Variants in ABCA3 observed in about 807,000 individuals in gnomAD.
The protein encoded by ABCA3 is ATP binding cassette subfamily A member 3.
Under a neutral mutation model 172.8 loss-of-function variants are expected in ABCA3, and 88 were observed. That is an observed-to-expected ratio of 0.51 (90% CI 0.43 to 0.61). The LOEUF is 0.61. Ranked by LOEUF, ABCA3 falls within the 20% of genes least tolerant of loss-of-function variation. The pLI is 0.00. For missense variants in ABCA3, 2,164 were observed against 2,301.0 expected (o/e 0.94, Z 1.22); for synonymous variants, 1,066 against 983.8 (o/e 1.08, Z -1.56).
rs1179046813 is a variant in ABCA3, at chr16:2,286,487, A to G, written c.3278+207T>C. 1.3e-5 allele frequency among the ~76,000 whole-genome samples: 2 copies of G among 152,240 alleles called. No individual in the cohort carries two copies. Among genetic ancestry groups the G allele is most frequent in the South Asian group, 2.1e-4 (1 of 4,834 alleles). ...CTTCATGGGTCCCCGTGAGGACCGC[A>G]GTGCATGGGATGGCCCACAGCTGAT... On this transcript the variant is annotated intron_variant, in intron 22 of 32. Transcript: ENST00000301732. The surrounding 1 kb of genome is among the most constrained non-coding windows in gnomAD (Gnocchi z 5.2).
At chr16:2,292,743 A>T (rs983646631) in intron 18 of ABCA3, among the ~76,000 whole-genome samples, 5 of 152,132 alleles carry the variant, frequency 3.3e-5, no homozygotes, top group Non-Finnish European at 7.3e-5. Flanking sequence ...AACACGGTGA[A>T]ACTCTGTCTC....
At chr16:2,327,704 T>C (rs577337059) in intron 3 of ABCA3, among the ~76,000 whole-genome samples, 1 of 152,264 alleles carries the variant, frequency 6.6e-6, no homozygotes, top group South Asian at 2.1e-4. Flanking sequence ...GCAAAAAGAC[T>C]AGCCATTTTC....
chr16:2,306,782 G>A (rs893780969), intron 11 of ABCA3, among the ~76,000 whole-genome samples: 27 of 152,136 alleles, frequency 1.8e-4, no homozygotes, highest in Admixed American at 1.6e-3. Context: ...TTGGGAGGCC[G>A]AGGCGGGCGG....
chr16:2,307,963 T>G (rs2141719358), intron 11 of ABCA3, among the ~76,000 whole-genome samples: 1 of 152,278 alleles, frequency 6.6e-6, no homozygotes, highest in East Asian at 1.9e-4. Flanking sequence ...ATGTGGTGGC[T>G]CACGCCTGTA....
chr16:2,308,953 C>T (rs1236076892), intron 10 of ABCA3, among the ~76,000 whole-genome samples: 3 of 149,846 alleles, frequency 2.0e-5, no homozygotes, highest in East Asian at 1.9e-4. Context: ...AGCCCCACTT[C>T]TTTTTTTTTT....
intron 20 of ABCA3, among the ~76,000 whole-genome samples, chr16:2,288,547 C>T (rs915781285): frequency 6.6e-6 from 1 of 152,118 alleles, no homozygotes; most frequent in Admixed American, 6.6e-5. Context: ...TCCATGGGGC[C>T]CTGCACGTTG....
rs747644868 is a variant in ABCA3, at chr16:2,292,250, A to G, written c.2415-12T>C. ...AGAGACCTTCAAACCTGAAAAACAG[A>G]CCCAGCATTATGAGTCACTTCTCAG... On this transcript the variant is annotated splice_polypyrimidine_tract_variant and intron_variant, in intron 18 of 32. Transcript: ENST00000301732. 1.2e-6 allele frequency: 2 copies of G among 1,606,238 alleles called. No individual in the cohort carries two copies. Among genetic ancestry groups the G allele is most frequent in the African/African-American group, 2.7e-5 (2 of 74,698 alleles).
At chr16:2,338,239 C>T (rs1364580627) in intron 1 of ABCA3, among the ~76,000 whole-genome samples, 1 of 152,202 alleles carries the variant, frequency 6.6e-6, no homozygotes, top group Non-Finnish European at 1.5e-5. Flanking sequence ...ACACTCTGAG[C>T]CATTCAGGGG....
rs137863291 is a variant in ABCA3, at chr16:2,281,496, G to A, written c.4049C>T (p.Thr1350Ile). 2 of 1,515,178 alleles carry A rather than the reference G, an allele frequency of 1.3e-6. No individual in the cohort carries two copies. Among genetic ancestry groups the A allele is most frequent in the South Asian group, 2.2e-5 (2 of 90,076 alleles). The allele number at this position is 1,515,178 out of a possible 1,614,324, so 93.9% of individuals were successfully genotyped here. Residue 1350 changes from threonine to isoleucine, a missense_variant, in exon 27 of 33, where the codon ACC becomes ATC. Physicochemically the swap from Thr to Ile is moderately conservative, Grantham distance 89 (BLOSUM62 -1). This residue lies in a region of ABCA3 where 795 missense variants were observed against 881.9 expected (regional missense o/e 0.90). Transcript: ENST00000301732. This position sits in a 1 kb window ranked among gnomAD's most constrained non-coding sequence, Gnocchi z 4.7. ...RRRRTLTELY[T>I]RMPVLPEDQD... is the part of the protein sequence containing the mutation. The stretch of plus-strand genomic sequence containing the variant: ...GTCCTCAGGAAGCACAGGCATCCGG[G>A]TGTATAATTCTGTCTGATTGACCAG...
At chr16:2,309,512 T>C (rs893902282) in intron 10 of ABCA3, among the ~76,000 whole-genome samples, 3 of 151,750 alleles carry the variant, frequency 2.0e-5, no homozygotes, top group African/African-American at 7.3e-5. Context: ...TTCGAGGAGG[T>C]GACATGTGAG....
At chr16:2,311,682 C>T (rs898174375) in intron 10 of ABCA3, among the ~76,000 whole-genome samples, 10 of 152,230 alleles carry the variant, frequency 6.6e-5, no homozygotes, top group Admixed American at 5.9e-4. Flanking sequence ...CCACCATGCC[C>T]GACTAATTTT....
In ABCA3 at chr16:2,285,050, A is replaced by C. The variant is rs778361820; in HGVS notation, c.3484-52T>G. The C allele has an allele frequency of 6.9e-4, 1,077 of 1,569,666 alleles. No individual in the cohort carries two copies. The highest frequency in any genetic ancestry group is 8.6e-4 in the Non-Finnish European group (994 of 1,152,744). ...GTGCATGCCAAGCTGAGAGGAGCTC[A>C]CGGGTAGGGAAGGGGTGAGAGGAGC... On this transcript the variant is annotated intron_variant, in intron 23 of 32. Coordinates refer to ENST00000301732, the MANE Select transcript of ABCA3 (RefSeq NM_001089.3). This position sits in a 1 kb window ranked among gnomAD's most constrained non-coding sequence, Gnocchi z 4.7.
chr16:2,323,738 G>C, intron 6 of ABCA3, 50 bp from the exon 7 acceptor site: 1 of 1,610,424 alleles, frequency 6.2e-7, no homozygotes, highest in South Asian at 1.1e-5. Flanking sequence ...CAGACAGAGG[G>C]GCAAACAACA....
intron 18 of ABCA3, among the ~76,000 whole-genome samples, 182 bp downstream of exon 18, chr16:2,295,408 G>A (rs2093678130): frequency 1.3e-5 from 2 of 152,222 alleles, no homozygotes; most frequent in African/African-American, 4.8e-5. Context: ...AGGAGGCCTG[G>A]CACCTAGGAC....
Position 2,284,022 on chromosome 16 carries a change from T to C in ABCA3, c.3862+257A>G. Reference sequence around the variant, plus strand: ...GCCATGGGGGATTCACTCCTCGTGCTAAGCGCTGGTCTGTGGTTCCTTGTT... The same window carrying C: ...GCCATGGGGGATTCACTCCTCGTGCCAAGCGCTGGTCTGTGGTTCCTTGTT... On this transcript the variant is annotated intron_variant, in intron 25 of 32. Coordinates refer to ENST00000301732, the MANE Select transcript of ABCA3 (RefSeq NM_001089.3). This position sits in a 1 kb window ranked among gnomAD's most constrained non-coding sequence, Gnocchi z 5.9. 1 of 459,492 alleles carries C rather than the reference T, an allele frequency of 2.2e-6. No individual in the cohort carries two copies. The highest frequency in any genetic ancestry group is 4.0e-6 in the Non-Finnish European group (1 of 250,586). 28.5% of individuals were successfully genotyped at this position (459,492 alleles called of 1,614,324 possible).
intron 13 of ABCA3, 105 bp from the exon 14 acceptor site, chr16:2,299,637 A>G: frequency 6.4e-7 from 1 of 1,557,724 alleles, no homozygotes; most frequent in East Asian, 2.2e-5. Context: ...AACCAAGCCT[A>G]GCGTCACCAT....
chr16:2,298,402 AGGT>A lies in ABCA3; in HGVS notation c.1877_1879del (p.His626del), dbSNP rs1242799853. The A allele has an allele frequency of 6.2e-7, 1 of 1,613,966 alleles. No individual in the cohort carries two copies. Reference sequence around the variant, plus strand: ...CCAACTCACCTGGGCGTAGAAATAAAGGTGCTCTGCGACTGTCAAGTTGTCAAA... The same window carrying A: ...CCAACTCACCTGGGCGTAGAAATAAAGCTCTGCGACTGTCAAGTTGTCAAA... On this transcript the variant is annotated inframe_deletion, in exon 15 of 33. Coordinates refer to ENST00000301732, the MANE Select transcript of ABCA3 (RefSeq NM_001089.3).
chr16:2,328,641 G>A lies in ABCA3; in HGVS notation c.-215C>T, dbSNP rs947605107. 1.2e-5 allele frequency: 6 copies of A among 480,628 alleles called. No individual in the cohort carries two copies. Among genetic ancestry groups the A allele is most frequent in the African/African-American group, 7.9e-5 (4 of 50,954 alleles). 29.8% of individuals were successfully genotyped at this position (480,628 alleles called of 1,614,324 possible). A position where few individuals can be genotyped will look rare whatever the true frequency, so the allele number is the denominator to read the frequency against. On this transcript the variant is annotated 5_prime_UTR_variant, in exon 3 of 33. Transcript: ENST00000301732. ...GAGAGCCCCTGGTGCTGGTCCACTC[G>A]CTACAACTGCAGGCAGAGAGGAGTC...
Position 2,284,232 on chromosome 16 carries a change from C to T in ABCA3, c.3862+47G>A, listed in dbSNP as rs1375680526. On this transcript the variant is annotated intron_variant, in intron 25 of 32. Coordinates refer to ENST00000301732, the MANE Select transcript of ABCA3 (RefSeq NM_001089.3). The surrounding 1 kb of genome is among the most constrained non-coding windows in gnomAD (Gnocchi z 5.9). ...GGAGGCCCCTCTGCAGTGACCACGT[C>T]CTGAGGACGCAGGGGTGCTGCCCGG... 6.3e-7 allele frequency: 1 copy of T among 1,593,030 alleles called. No homozygotes were observed. Among genetic ancestry groups the T allele is most frequent in the South Asian group, 1.1e-5 (1 of 87,952 alleles).
Sources: allele counts gnomAD v4.1 joint callset (sites outside exome capture counted in the v4.1 genomes callset), GRCh38; gene constraint gnomAD v4.1.1; regional missense constraint gnomAD v4.1.1; non-coding constraint Gnocchi (gnomAD v3.1); transcripts MANE v1.5; gene names NCBI Gene and HGNC (gene_info 2026-07-23, HGNC 2026-07-21).